Variants in EP300 observed in about 807,000 individuals in gnomAD.
EP300 encodes the protein EP300 lysine acetyltransferase.
In EP300, 31 loss-of-function variants were observed where a neutral mutation model predicts 264.0. The ratio of observed to expected loss-of-function variants is 0.12; its 90% CI spans 0.09 to 0.16. The LOEUF is 0.16. Among genes scored for constraint, EP300 ranks in the 10% least tolerant of loss-of-function variants. EP300 has a pLI of 1.00. For synonymous variants in EP300, 1,340 were observed against 1,045.4 expected (o/e 1.28, Z -5.44); for missense variants, 2,766 against 3,052.9 (o/e 0.91, Z 2.21).
At chr22:41,141,287 T>G (rs2145726719) in intron 10 of EP300, 65 bp downstream of exon 10, 3 of 1,538,318 alleles carry the variant, frequency 2.0e-6, no homozygotes, top group Non-Finnish European at 2.7e-6. Flanking sequence ...CTATCTAAAG[T>G]CATTAATTTC....
chr22:41,180,045 A>C lies in EP300; in HGVS notation c.*1089A>C, dbSNP rs2059234922. 8.7e-6 allele frequency: 2 copies of C among 230,480 alleles called. No individual in the cohort carries two copies. 14.3% of individuals were successfully genotyped at this position (230,480 alleles called of 1,614,324 possible). A position where few individuals can be genotyped will look rare whatever the true frequency, so the allele number is the denominator to read the frequency against. ...AGACTGTTAAATTTGATTTCTTATT[A>C]CCTATTGTTAAATAAACTGTGTGAG... On this transcript the variant is annotated 3_prime_UTR_variant, in exon 31 of 31. Coordinates refer to ENST00000263253, the MANE Select transcript of EP300 (RefSeq NM_001429.4).
At chr22:41,167,471 T>C (rs1398453085) in intron 23 of EP300, among the ~76,000 whole-genome samples, 1 of 151,272 alleles carries the variant, frequency 6.6e-6, no homozygotes, top group Non-Finnish European at 1.5e-5. Context: ...TTGATTCTTG[T>C]AAGGTTTCTC....
intron 1 of EP300, among the ~76,000 whole-genome samples, chr22:41,111,438 G>C (rs1395950216): frequency 6.6e-6 from 1 of 152,132 alleles, no homozygotes; most frequent in Non-Finnish European, 1.5e-5. Context: ...ATATTCATGG[G>C]TTATAGTGTG....
At chr22:41,139,218 G>A (rs1046267083) in intron 8 of EP300, among the ~76,000 whole-genome samples, 2 of 152,116 alleles carry the variant, frequency 1.3e-5, no homozygotes, top group Non-Finnish European at 2.9e-5. Flanking sequence ...CCTCCCAAAG[G>A]GCTGGGATTA....
At chr22:41,167,584 G>GTGTGTATATATATA (rs869093144) in intron 23 of EP300, among the ~76,000 whole-genome samples, 6 of 34,492 alleles carry the variant, frequency 1.7e-4, no homozygotes, top group Admixed American at 3.9e-4. Flanking sequence ...GTGTGTGTGT[G>GTGTGTATATATATA]TATATATATA....
rs1193303632 is a variant in EP300 at position 41,152,002 on chromosome 22, A to G, written c.2987A>G (p.Asp996Gly). The stretch of plus-strand genomic sequence containing the variant: ...GAACCAGCAGATACTCAGCCGGAGG[A>G]TATTTCAGAGGTGAGAGTAGGGCAA... ...QPEPADTQPEDISESKVEDCK... is the reference protein window; with the variant it reads ...QPEPADTQPEGISESKVEDCK... The change falls in exon 15 of 31, where the codon GAT becomes GGT. Residue 996 changes from aspartate (D) to glycine (G), a missense_variant. Physicochemically the swap from Asp to Gly is moderately conservative, Grantham distance 94. Coordinates refer to ENST00000263253, the MANE Select transcript of EP300 (RefSeq NM_001429.4). The G allele has an allele frequency of 1.2e-6, 2 of 1,614,192 alleles. No homozygotes were observed. The highest frequency in any genetic ancestry group is 4.5e-5 in the East Asian group (2 of 44,890).
intron 29 of EP300, among the ~76,000 whole-genome samples, chr22:41,175,788 T>C (rs2059197079): frequency 6.6e-6 from 1 of 152,094 alleles, no homozygotes; most frequent in African/African-American, 2.4e-5. Context: ...TCTGAAGGAG[T>C]TACTGAATGA....
chr22:41,170,807 T>G (rs1177192720), intron 27 of EP300, among the ~76,000 whole-genome samples: 3 of 151,712 alleles, frequency 2.0e-5, no homozygotes, highest in South Asian at 2.1e-4. Context: ...GACTACAGGC[T>G]CCTGCCATCA....
intron 21 of EP300, among the ~76,000 whole-genome samples, chr22:41,163,575 C>T (rs1039438192): frequency 1.7e-4 from 26 of 151,750 alleles, no homozygotes; most frequent in African/African-American, 5.6e-4. Context: ...GGCAAAATCC[C>T]GTCTCTACTA....
chr22:41,111,876 CTTTTTTTTTTTT>C (rs71200661), intron 1 of EP300, among the ~76,000 whole-genome samples: 2 of 54,664 alleles, frequency 3.7e-5, no homozygotes, highest in Non-Finnish European at 6.3e-5. Context: ...AACTTGTAAC[CTTTTTTTTTTTT>C]TTTTTTTTTT....
Position 41,092,853 on chromosome 22 carries a change from C to A in EP300, c.-152C>A. ...CGCATCCCTCTCCAGCCACTGCGAC[C>A]CGGCGAAGAGAAAAAGGAACTTCCC... On this transcript the variant is annotated 5_prime_UTR_variant, in exon 1 of 31. Transcript: ENST00000263253. The A allele has an allele frequency of 1.2e-6, 1 of 836,100 alleles. No homozygotes were observed. The highest frequency in any genetic ancestry group is 2.1e-6 in the Non-Finnish European group (1 of 483,696). The allele number at this position is 836,100 out of a possible 1,614,324, so 51.8% of individuals were successfully genotyped here. A position where few individuals can be genotyped will look rare whatever the true frequency, so the allele number is the denominator to read the frequency against.
chr22:41,144,520 A>AT (rs1039200197), intron 10 of EP300, among the ~76,000 whole-genome samples: 23 of 150,962 alleles, frequency 1.5e-4, no homozygotes, highest in Non-Finnish European at 2.7e-4. Flanking sequence ...TGCCTGGCTA[A>AT]TTTTTTTTTA....
chr22:41,094,927 C>T (rs1712620168), intron 1 of EP300, among the ~76,000 whole-genome samples: 1 of 152,050 alleles, frequency 6.6e-6, no homozygotes, highest in Non-Finnish European at 1.5e-5. Flanking sequence ...TGTTTTGCTA[C>T]TTGAAATATC....
At position 41,149,737 on chromosome 22, in the gene EP300, TTGTTA is replaced by T. The variant is rs2059032372; in HGVS notation, c.2380-19_2380-15del. The T allele has an allele frequency of 1.2e-6, 2 of 1,612,254 alleles. No individual in the cohort carries two copies. The highest frequency in any genetic ancestry group is 1.3e-5 in the African/African-American group (1 of 75,006). On this transcript the variant is annotated intron_variant, in intron 13 of 30. Coordinates refer to ENST00000263253, the MANE Select transcript of EP300 (RefSeq NM_001429.4). Reference sequence around the variant, plus strand: ...CTTAATTCTGTTCTGAATTGCTGTCTTGTTATGTTTTTTATTTTAACAGGCACAAA... The same window carrying T: ...CTTAATTCTGTTCTGAATTGCTGTCTTGTTTTTTATTTTAACAGGCACAAA...
At chr22:41,113,551 ATTATTATTTTTT>A (rs1447843194) in intron 1 of EP300, among the ~76,000 whole-genome samples, 1 of 152,026 alleles carries the variant, frequency 6.6e-6, no homozygotes, top group Non-Finnish European at 1.5e-5. Flanking sequence ...TTTATTTATT[ATTATTATTTTTT>A]TGAGACGGAG....
rs551859098 is a variant in EP300 at position 41,131,615 on chromosome 22, C to A, written c.1510C>A (p.Arg504=). ...GCCTGGGCAGTCTCCCCAAGGCATG[C>A]GGCCCATGAGCAACATGAGTAAGTT... The part of the protein sequence containing the change: ...QQPGQSPQGM[R]PMSNMSASPM... The change falls in exon 6 of 31, where the codon CGG becomes AGG. Residue 504 remains arginine (R), a synonymous_variant. Coordinates refer to ENST00000263253, the MANE Select transcript of EP300 (RefSeq NM_001429.4). 6.2e-7 allele frequency: 1 copy of A among 1,614,108 alleles called. No individual in the cohort carries two copies. Among genetic ancestry groups the A allele is most frequent in the South Asian group, 1.1e-5 (1 of 91,084 alleles).
intron 8 of EP300, among the ~76,000 whole-genome samples, chr22:41,138,375 G>A (rs1028555087): frequency 1.3e-5 from 2 of 152,182 alleles, no homozygotes. Flanking sequence ...TGTTGGTCAC[G>A]CTGACTTCAA....
chr22:41,174,127 A>G (rs997682326), intron 29 of EP300, among the ~76,000 whole-genome samples: 1 of 141,290 alleles, frequency 7.1e-6, no homozygotes, highest in African/African-American at 2.5e-5. Context: ...AGAAATAAGA[A>G]ATGAATAAAA....
chr22:41,127,200 C>G lies in EP300; in HGVS notation c.907-287C>G, dbSNP rs139302350. Among the ~76,000 whole-genome samples, 13 of 152,040 alleles carry G rather than the reference C, an allele frequency of 8.6e-5. No homozygotes were observed. The East Asian group carries it at 2.5e-3, about 29-fold the overall frequency. On this transcript the variant is annotated intron_variant, in intron 3 of 30. Coordinates refer to ENST00000263253, the MANE Select transcript of EP300 (RefSeq NM_001429.4). ...TGGGTGTGCTTTTAACTACAGACAC[C>G]CTCTCACCCTTCCCTCTCCCGCTGG...
Sources: gnomAD v4.1 joint callset for allele counts (sites outside exome capture counted in the v4.1 genomes callset) on GRCh38, gnomAD v4.1.1 for gene constraint, MANE v1.5 for transcripts, NCBI Gene and HGNC (gene_info 2026-07-23, HGNC 2026-07-21) for gene names.